Variants in MYO7A observed in about 807,000 individuals in gnomAD.
The protein encoded by MYO7A is myosin VIIA, also known as unconventional myosin-VIIa.
In MYO7A, 210 loss-of-function variants were observed where a neutral mutation model predicts 263.8. The ratio of observed to expected loss-of-function variants is 0.80; its 90% CI spans 0.71 to 0.89. The LOEUF is 0.89. MYO7A is among the 40% of genes least tolerant of loss of function. The pLI, the probability that MYO7A is intolerant of heterozygous loss-of-function variation, is 0.00. For missense variants in MYO7A, 2,820 were observed against 2,968.3 expected (o/e 0.95, Z 1.16); for synonymous variants, 1,239 against 1,197.3 (o/e 1.03, Z -0.72).
At chr11:77,154,986 G>A (rs1167789661) in intron 4 of MYO7A, among the ~76,000 whole-genome samples, 2 of 152,270 alleles carry the variant, frequency 1.3e-5, no homozygotes, top group Admixed American at 6.5e-5. Context: ...GGAGGGGGAG[G>A]GCAGGTTGTC....
chr11:77,172,078 G>GCTAAGCCGC (rs1954148718), intron 15 of MYO7A, among the ~76,000 whole-genome samples: 1 of 152,222 alleles, frequency 6.6e-6, no homozygotes, highest in African/African-American at 2.4e-5. Flanking sequence ...CTAAGCCTGG[G>GCTAAGCCGC]AGGGGAGAGG....
intron 39 of MYO7A, among the ~76,000 whole-genome samples, 151 bp from the exon 40 acceptor site, chr11:77,205,291 AGAGGGGTCTGTAGGTAGGGT>A (rs1278105735): frequency 2.6e-5 from 4 of 151,916 alleles, no homozygotes; most frequent in Non-Finnish European, 5.9e-5. Flanking sequence ...GCTGTCAGGG[AGAGGGGTCTGTAGGTAGGGT>A]GAGGGGTCCT....
At chr11:77,135,253 C>A (rs943235869) in intron 2 of MYO7A, among the ~76,000 whole-genome samples, 3 of 152,200 alleles carry the variant, frequency 2.0e-5, no homozygotes, top group South Asian at 2.1e-4. Flanking sequence ...TGGCAACCAC[C>A]ATTCTGCTTT....
intron 11 of MYO7A, 119 bp downstream of exon 11, chr11:77,160,401 G>T: frequency 7.2e-7 from 1 of 1,388,760 alleles, no homozygotes; most frequent in Non-Finnish European, 9.6e-7. Flanking sequence ...ACCCCTGCCT[G>T]CCCCGGGGCT....
intron 4 of MYO7A, 51 bp downstream of exon 4, chr11:77,148,001 C>T (rs1191787771): frequency 2.8e-6 from 4 of 1,434,308 alleles, no homozygotes; most frequent in African/African-American, 1.4e-5. Flanking sequence ...GGCCCCGCCC[C>T]GCCCACCTCG....
At position 77,175,434 on chromosome 11, in the gene MYO7A, G is replaced by T; in HGVS notation, c.2157G>T (p.Trp719Cys). 1 of 1,613,366 alleles carries T rather than the reference G, an allele frequency of 6.2e-7. No individual in the cohort carries two copies. The highest frequency in any genetic ancestry group is 8.5e-7 in the Non-Finnish European group (1 of 1,179,880). The change falls in exon 18 of 49, where the codon TGG (tryptophan) becomes TGT (cysteine). Residue 719 changes from tryptophan to cysteine, a missense_variant. Transcript: ENST00000409709. Reference protein sequence around the residue: ...AEAVLGTHDDWQIGKTKIFLK... With the variant: ...AEAVLGTHDDCQIGKTKIFLK... ...CTGTGCTGGGCACCCACGATGACTGGCAGATAGGCAAAACCAAGATCTTTC... is the reference window on the plus strand; with the variant it reads ...CTGTGCTGGGCACCCACGATGACTGTCAGATAGGCAAAACCAAGATCTTTC...
Position 77,177,578 on chromosome 11 carries a change from G to T in MYO7A, c.2217G>T (p.Glu739Asp), listed in dbSNP as rs1555080713. Residue 739 changes from glutamate (E) to aspartate (D), a missense_variant, in exon 19 of 49, where the codon GAG (glutamate) becomes GAT (aspartate). Transcript: ENST00000409709. ...ACCATGACATGCTGCTGGAAGTGGAGCGGGACAAAGCCATCACCGACAGAG... is the reference window on the plus strand; with the variant it reads ...ACCATGACATGCTGCTGGAAGTGGATCGGGACAAAGCCATCACCGACAGAG... ...KDHHDMLLEV[E>D]RDKAITDRVI... The T allele has an allele frequency of 6.2e-7, 1 of 1,612,148 alleles. No individual in the cohort carries two copies. The highest frequency in any genetic ancestry group is 1.7e-5 in the Admixed American group (1 of 59,904).
At chr11:77,191,427 CTGG>C (rs1956058740) in intron 30 of MYO7A, among the ~76,000 whole-genome samples, 1 of 152,238 alleles carries the variant, frequency 6.6e-6, no homozygotes, top group African/African-American at 2.4e-5. Flanking sequence ...GAATCCTCTC[CTGG>C]TGCTGAAGGA....
At chr11:77,135,442 A>C (rs1950879687) in intron 2 of MYO7A, among the ~76,000 whole-genome samples, 2 of 152,228 alleles carry the variant, frequency 1.3e-5, no homozygotes, top group Admixed American at 6.5e-5. Context: ...TTGTATGTTT[A>C]TACCACATAT....
chr11:77,156,762 G>C lies in MYO7A; in HGVS notation c.573G>C (p.Glu191Asp). Residue 191 changes from glutamate (E) to aspartate (D), a missense_variant, in exon 6 of 49, where the codon GAG (glutamate) becomes GAC (aspartate). Coordinates refer to ENST00000409709, the MANE Select transcript of MYO7A (RefSeq NM_000260.4). ...QHSWIEQQVL[E>D]ATPILEAFGN... ...CGTGGATTGAGCAGCAGGTCTTGGA[G>C]GCCACCCCCATTCTGGAAGGTAGGA... The C allele has an allele frequency of 6.2e-7, 1 of 1,614,000 alleles. No homozygotes were observed. Among genetic ancestry groups the C allele is most frequent in the South Asian group, 1.1e-5 (1 of 91,082 alleles).
At position 77,158,794 on chromosome 11, in the gene MYO7A, T is replaced by G. The variant is rs555055330; in HGVS notation, c.1003+364T>G. The stretch of plus-strand genomic sequence containing the variant: ...TAAGGTGTGAGTGACTGGATAGCCA[T>G]CTTTGGAAAGGGAGAAGGCTAGGGA... On this transcript the variant is annotated intron_variant, in intron 9 of 48. Transcript: ENST00000409709. Among the ~76,000 whole-genome samples, 11 of 152,358 alleles carry G rather than the reference T, an allele frequency of 7.2e-5. No individual in the cohort carries two copies. The East Asian group carries it at 1.3e-3, about 19-fold the overall frequency.
intron 18 of MYO7A, among the ~76,000 whole-genome samples, chr11:77,176,041 C>A (rs1379076636): frequency 6.6e-6 from 1 of 152,192 alleles, no homozygotes; most frequent in Non-Finnish European, 1.5e-5. Context: ...GCAGGGCAGC[C>A]GCAGCAGGGA....
chr11:77,180,967 G>A (rs1955131429), intron 22 of MYO7A, among the ~76,000 whole-genome samples: 1 of 152,214 alleles, frequency 6.6e-6, no homozygotes, highest in Non-Finnish European at 1.5e-5. Context: ...TAATATTTGG[G>A]AAATATTGAG....
In MYO7A at chr11:77,181,529, C is replaced by T; in HGVS notation, c.2844C>T (p.Gly948=). ...CAGACATGGTGGACAAGATGTTTGG[C>T]TTCCTGGGGACTTCAGGTGGCCTGC... The part of the protein sequence containing the change: ...NHSDMVDKMF[G]FLGTSGGLPG... Residue 948 remains glycine, a synonymous_variant, in exon 23 of 49, where the codon GGC becomes GGT. Coordinates refer to ENST00000409709, the MANE Select transcript of MYO7A (RefSeq NM_000260.4). 1 of 1,613,508 alleles carries T rather than the reference C, an allele frequency of 6.2e-7. No homozygotes were observed. Among genetic ancestry groups the T allele is most frequent in the South Asian group, 1.1e-5 (1 of 91,072 alleles).
intron 27 of MYO7A, among the ~76,000 whole-genome samples, chr11:77,187,373 G>C (rs1955724574): frequency 6.6e-6 from 1 of 152,210 alleles, no homozygotes; most frequent in South Asian, 2.1e-4. Context: ...TGTGCCTGCA[G>C]TAGCTACCTC....
rs1005706209 is a variant in MYO7A at position 77,153,753 on chromosome 11, C to T, written c.286-2154C>T. On this transcript the variant is annotated intron_variant, in intron 4 of 48. Transcript: ENST00000409709. The stretch of plus-strand genomic sequence containing the variant: ...ACCTCCTAAATGTCACGCCCTTTCA[C>T]GCCTCTGTGCTTGCTACCAGCGGCT... Among the ~76,000 whole-genome samples the T allele has an allele frequency of 3.3e-5, 5 of 152,300 alleles. No homozygotes were observed. In the East Asian group the frequency reaches 9.7e-4, roughly 29 times the overall value.
intron 31 of MYO7A, among the ~76,000 whole-genome samples, chr11:77,193,265 G>A (rs1055830968): frequency 2.8e-5 from 4 of 142,586 alleles, no homozygotes; most frequent in African/African-American, 1.0e-4. Flanking sequence ...GGTGGTGGTG[G>A]TGGTGATGGT....
At chr11:77,179,219 G>T in intron 20 of MYO7A, 90 bp downstream of exon 20, 1 of 1,187,982 alleles carries the variant, frequency 8.4e-7, no homozygotes, top group Non-Finnish European at 1.2e-6. Flanking sequence ...CACCCAGGCA[G>T]CACAGCCTGG....
chr11:77,205,595 C>T lies in MYO7A; in HGVS notation c.5614C>T (p.Gln1872Ter). 6.2e-7 allele frequency: 1 copy of T among 1,613,542 alleles called. No homozygotes were observed. The highest frequency in any genetic ancestry group is 8.5e-7 in the Non-Finnish European group (1 of 1,179,806). Residue 1872 changes from glutamine to a stop codon, truncating the protein, a stop_gained, in exon 40 of 49, where the codon CAA becomes TAA. Coordinates refer to ENST00000409709, the MANE Select transcript of MYO7A (RefSeq NM_000260.4). LOFTEE classifies it high-confidence loss of function. The part of the protein sequence containing the change: ...KHCPLAIDCL[Q>*]RLQKALRNGS... Reference sequence around the variant, plus strand: ...CTGCCCACTCGCCATCGACTGCCTGCAACGGCTCCAGAAAGCCCTGAGGTA... The same window carrying T: ...CTGCCCACTCGCCATCGACTGCCTGTAACGGCTCCAGAAAGCCCTGAGGTA...
Sources: allele counts gnomAD v4.1 joint callset (sites outside exome capture counted in the v4.1 genomes callset), GRCh38; gene constraint gnomAD v4.1.1; transcripts MANE v1.5; gene names NCBI Gene and HGNC (gene_info 2026-07-23, HGNC 2026-07-21).